The following ZCCHC17 variants were observed in gnomAD, a reference collection of about 807,000 sequenced individuals.
ZCCHC17 encodes zinc finger CCHC-type containing 17.
In ZCCHC17, 18 loss-of-function variants were observed where a neutral mutation model predicts 30.6. The observed-to-expected ratio is 0.59, with a 90% CI of 0.41 to 0.87. ZCCHC17 has a LOEUF of 0.87. Among genes scored for constraint, ZCCHC17 ranks in the 40% least tolerant of loss-of-function variants. The pLI is 0.00. For missense variants in ZCCHC17, 263 were observed against 284.2 expected, an observed-to-expected ratio of 0.93 and a Z score of 0.54; for synonymous variants, 88 against 92.4, an observed-to-expected ratio of 0.95 and a Z score of 0.27.
intron 3 of ZCCHC17, among the ~76,000 whole-genome samples, chr1:31,332,814 G>C (rs892844807): frequency 3.3e-5 from 5 of 152,058 alleles, no homozygotes; most frequent in Non-Finnish European, 7.4e-5. Flanking sequence ...TAGAGATGGA[G>C]TTTCACCATG....
At position 31,302,990 on chromosome 1, in the gene ZCCHC17, G is replaced by A. The variant is rs115680952; in HGVS notation, c.-56+5915G>A. Among the ~76,000 whole-genome samples the A allele has an allele frequency of 9.3e-3, 1,415 of 152,258 alleles. 23 individuals are homozygous for A. Among genetic ancestry groups the A allele is most frequent in the African/African-American group, 0.03 (1,228 of 41,546 alleles). ...TGAGGTATAGTGCTTAAGAATGCAG[G>A]CTCTTGGCCGGGTGCCATGGCTCAT... On this transcript the variant is annotated intron_variant, in intron 1 of 7. Coordinates refer to ENST00000344147, the MANE Select transcript of ZCCHC17 (RefSeq NM_016505.4).
chr1:31,350,177 G>A (rs535243046), intron 7 of ZCCHC17, among the ~76,000 whole-genome samples: 1 of 152,164 alleles, frequency 6.6e-6, no homozygotes, highest in South Asian at 2.1e-4. Context: ...TTCTTCTATC[G>A]TGTAGGATTT....
chr1:31,307,599 G>A (rs1458934780), intron 1 of ZCCHC17, among the ~76,000 whole-genome samples: 4 of 149,618 alleles, frequency 2.7e-5, no homozygotes, highest in Admixed American at 6.7e-5. Context: ...TTTTGGAGAC[G>A]GAGTCTCACT....
chr1:31,333,428 C>A (rs1427359889), intron 3 of ZCCHC17, among the ~76,000 whole-genome samples: 1 of 152,088 alleles, frequency 6.6e-6, no homozygotes, highest in African/African-American at 2.4e-5. Context: ...GAGGCTGAGG[C>A]AGGAGAATCA....
intron 6 of ZCCHC17, among the ~76,000 whole-genome samples, chr1:31,347,796 G>A (rs1639328947): frequency 6.6e-6 from 1 of 152,042 alleles, no homozygotes; most frequent in Admixed American, 6.6e-5. Context: ...ATTTTTTGTA[G>A]AGACGGGGTT....
intron 7 of ZCCHC17, among the ~76,000 whole-genome samples, chr1:31,354,726 C>A (rs758845558): frequency 5.3e-5 from 8 of 152,090 alleles, no homozygotes; most frequent in Non-Finnish European, 8.8e-5. Context: ...TATTTCAGTT[C>A]ACAAAACCAA....
intron 3 of ZCCHC17, among the ~76,000 whole-genome samples, chr1:31,334,351 G>T (rs866565394): frequency 9.8e-6 from 1 of 101,576 alleles, no homozygotes; most frequent in Non-Finnish European, 2.1e-5. Context: ...GTGTGTGTGT[G>T]TGTGTGTGTG....
At chr1:31,334,203 T>C (rs1236180539) in intron 3 of ZCCHC17, among the ~76,000 whole-genome samples, 1 of 152,042 alleles carries the variant, frequency 6.6e-6, no homozygotes, top group Admixed American at 6.6e-5. Flanking sequence ...GTATGTGGGA[T>C]GTAGTGATGA....
At chr1:31,311,787 G>A (rs1646609074) in intron 2 of ZCCHC17, among the ~76,000 whole-genome samples, 1 of 152,234 alleles carries the variant, frequency 6.6e-6, no homozygotes, top group African/African-American at 2.4e-5. Context: ...GTGAATATTG[G>A]AGAAATACCA....
chr1:31,344,862 G>GTTGTTTGTTTGT lies in ZCCHC17; in HGVS notation c.318-1775_318-1764dup, dbSNP rs71278777. On this transcript the variant is annotated intron_variant, in intron 5 of 7. Transcript: ENST00000344147. ...CTGCCTTTGTTATGGGTTTTTTTTT[G>GTTGTTTGTTTGT]TTGTTTGTTTGTTTTGGAGACAGGG... Among the ~76,000 whole-genome samples, 105 of 150,580 alleles carry GTTGTTTGTTTGT rather than the reference G, an allele frequency of 7.0e-4. 1 individual carries two copies. Among genetic ancestry groups the GTTGTTTGTTTGT allele is most frequent in the Middle Eastern group, 3.4e-3 (1 of 294 alleles).
At chr1:31,298,498 G>T (rs1293422935) in intron 1 of ZCCHC17, among the ~76,000 whole-genome samples, 1 of 151,102 alleles carries the variant, frequency 6.6e-6, no homozygotes, top group East Asian at 2.0e-4. Context: ...CAATTCTCCT[G>T]CCTTAGCCTC....
chr1:31,353,450 T>G (rs983463787), intron 7 of ZCCHC17, among the ~76,000 whole-genome samples: 2 of 152,220 alleles, frequency 1.3e-5, no homozygotes, highest in Non-Finnish European at 2.9e-5. Context: ...TAATGTTGAG[T>G]ATGTTCATGA....
At chr1:31,297,622 T>C (rs1023963531) in intron 1 of ZCCHC17, among the ~76,000 whole-genome samples, 2 of 152,208 alleles carry the variant, frequency 1.3e-5, no homozygotes, top group Non-Finnish European at 2.9e-5. Context: ...CGGTCCCTAC[T>C]CTCAGGGCGT....
intron 5 of ZCCHC17, among the ~76,000 whole-genome samples, chr1:31,339,388 C>T (rs1436495758): frequency 6.6e-6 from 1 of 152,108 alleles, no homozygotes; most frequent in East Asian, 1.9e-4. Context: ...CCTCTAGTCC[C>T]AGCTACTCGG....
At chr1:31,309,371 G>T (rs541202433) in intron 1 of ZCCHC17, among the ~76,000 whole-genome samples, 1 of 152,272 alleles carries the variant, frequency 6.6e-6, no homozygotes, top group Admixed American at 6.5e-5. Flanking sequence ...AGTCTGGGGT[G>T]CAGTGGTGTG....
rs151284330 is a variant in ZCCHC17 at position 31,331,930 on chromosome 1, G to T, written c.125-5245G>T. On this transcript the variant is annotated intron_variant, in intron 3 of 7. Coordinates refer to ENST00000344147, the MANE Select transcript of ZCCHC17 (RefSeq NM_016505.4). Reference sequence around the variant, plus strand: ...CGGCCGAGATGGATTTTTTTATGAGGAAGTGATAGTACACTAAACCTTCAT... The same window carrying T: ...CGGCCGAGATGGATTTTTTTATGAGTAAGTGATAGTACACTAAACCTTCAT... 7.6e-3 allele frequency among the ~76,000 whole-genome samples: 1,154 copies of T among 152,166 alleles called. 12 individuals are homozygous for T. The highest frequency in any genetic ancestry group is 0.026 in the African/African-American group (1,080 of 41,524).
At chr1:31,299,408 G>A (rs1377143429) in intron 1 of ZCCHC17, among the ~76,000 whole-genome samples, 2 of 152,222 alleles carry the variant, frequency 1.3e-5, no homozygotes, top group Non-Finnish European at 2.9e-5. Flanking sequence ...CAAGGACATC[G>A]CTTGCTCAAG....
At chr1:31,331,106 A>T (rs527696419) in intron 3 of ZCCHC17, among the ~76,000 whole-genome samples, 1 of 152,312 alleles carries the variant, frequency 6.6e-6, no homozygotes, top group South Asian at 2.1e-4. Flanking sequence ...ATTGTAATTT[A>T]GGAGACTGAA....
chr1:31,315,270 A>C (rs766603397), intron 2 of ZCCHC17, among the ~76,000 whole-genome samples: 5 of 152,184 alleles, frequency 3.3e-5, no homozygotes, highest in Non-Finnish European at 5.9e-5. Flanking sequence ...ATAGGTGCTT[A>C]AAATGGAGCC....
Sources: gnomAD v4.1 joint callset for allele counts (sites outside exome capture counted in the v4.1 genomes callset) on GRCh38, gnomAD v4.1.1 for gene constraint, MANE v1.5 for transcripts, NCBI Gene and HGNC (gene_info 2026-07-23, HGNC 2026-07-21) for gene names.